PNLDC1: variants seen among roughly 807,000 people sequenced by gnomAD.
PNLDC1 encodes the protein poly(A)-specific ribonuclease PNLDC1.
In PNLDC1, 70 loss-of-function variants were observed where a neutral mutation model predicts 82.0. That is an observed-to-expected ratio of 0.85 (90% CI 0.70 to 1.04). PNLDC1 has a LOEUF of 1.04. Among genes scored for constraint, PNLDC1 ranks in the 50% least tolerant of loss-of-function variants. The pLI is 0.00. For missense variants in PNLDC1, 631 were observed against 661.1 expected (o/e 0.95, Z 0.50); for synonymous variants, 280 against 249.3 (o/e 1.12, Z -1.16).
intron 15 of PNLDC1, 22 bp from the exon 16 acceptor site, chr6:159,818,533 T>C: frequency 6.2e-7 from 1 of 1,606,882 alleles, no homozygotes; most frequent in East Asian, 2.2e-5. Flanking sequence ...CCCGACAGCT[T>C]TGGGGTTTTC....
At chr6:159,818,924 T>C in intron 16 of PNLDC1, 22 bp from the exon 17 acceptor site, 8 of 1,611,200 alleles carry the variant, frequency 5.0e-6, no homozygotes, top group Middle Eastern at 1.7e-4. Flanking sequence ...GGAAAATCTC[T>C]TGTGTTCTGC....
intron 8 of PNLDC1, 66 bp from the exon 9 acceptor site, chr6:159,808,949 A>G (rs1003857801): frequency 3.6e-5 from 57 of 1,593,662 alleles, no homozygotes; most frequent in Admixed American, 5.2e-5. Flanking sequence ...TTAGAGATGC[A>G]GAGCCATTTC....
intron 12 of PNLDC1, among the ~76,000 whole-genome samples, chr6:159,814,960 G>A (rs1055216609): frequency 6.6e-6 from 1 of 152,164 alleles, no homozygotes; most frequent in Admixed American, 6.5e-5. Flanking sequence ...CCACGACGAC[G>A]ACGCCTGTTT....
Position 159,808,788 on chromosome 6 carries a change from A to G in PNLDC1, c.611A>G (p.Asn204Ser). ...VQLVLRQALP[N>S]IWTVLKDEGV... The stretch of plus-strand genomic sequence containing the variant: ...CTGGTGCTGAGGCAGGCCCTCCCCA[A>G]CATCTGGACGGTGCTGAAAGATGAG... Residue 204 changes from asparagine to serine, a missense_variant, in exon 8 of 19, where the codon AAC (asparagine) becomes AGC (serine). Coordinates refer to ENST00000392167, the MANE Select transcript of PNLDC1 (RefSeq NM_001271862.2). 1 of 1,614,028 alleles carries G rather than the reference A, an allele frequency of 6.2e-7. No individual in the cohort carries two copies. The highest frequency in any genetic ancestry group is 8.5e-7 in the Non-Finnish European group (1 of 1,179,964).
rs780220019 is a variant in PNLDC1, at chr6:159,820,537, G to A, written c.*20G>A. 52 of 1,612,776 alleles carry A rather than the reference G, an allele frequency of 3.2e-5. No individual in the cohort carries two copies. The highest frequency in any genetic ancestry group is 9.9e-5 in the South Asian group (9 of 91,072). On this transcript the variant is annotated 3_prime_UTR_variant, in exon 19 of 19. Coordinates refer to ENST00000392167, the MANE Select transcript of PNLDC1 (RefSeq NM_001271862.2). ...ACCTGAGTGCAGCGAGGCCTCCTGC[G>A]GCCACCCTCGGGTCCCCATGCTCTC...
chr6:159,819,361 C>G lies in PNLDC1; in HGVS notation c.1532+9C>G, dbSNP rs1173756075. The G allele has an allele frequency of 1.2e-6, 2 of 1,611,778 alleles. No individual in the cohort carries two copies. Among genetic ancestry groups the G allele is most frequent in the South Asian group, 1.1e-5 (1 of 91,016 alleles). On this transcript the variant is annotated intron_variant, in intron 18 of 18. Transcript: ENST00000392167. The surrounding 1 kb of genome is among the most constrained non-coding windows in gnomAD (Gnocchi z 4.6). ...GTCAACTGCCTGCTCCAGTAAGTGA[C>G]AGGCTGAGGCCACCTGCCTGTCCTG...
intron 11 of PNLDC1, 59 bp downstream of exon 11, chr6:159,811,845 C>G: frequency 8.0e-7 from 1 of 1,249,836 alleles, no homozygotes. Flanking sequence ...TAACACTTAG[C>G]TTTCTCTTGT....
chr6:159,810,452 T>C (rs1781609385), intron 10 of PNLDC1, among the ~76,000 whole-genome samples: 1 of 152,240 alleles, frequency 6.6e-6, no homozygotes, highest in South Asian at 2.1e-4. Flanking sequence ...TTGATTACAC[T>C]ATTTGATTTT....
At chr6:159,807,826 C>T (rs1781502829) in intron 7 of PNLDC1, among the ~76,000 whole-genome samples, 1 of 152,122 alleles carries the variant, frequency 6.6e-6, no homozygotes, top group African/African-American at 2.4e-5. Context: ...GAGTTTGGTA[C>T]AGTTTTAAAG....
chr6:159,806,627 G>A (rs1781457104), intron 7 of PNLDC1, among the ~76,000 whole-genome samples: 1 of 152,218 alleles, frequency 6.6e-6, no homozygotes, highest in Non-Finnish European at 1.5e-5. Context: ...TAAGGCAGGA[G>A]CATCATACCG....
chr6:159,820,407 C>A (rs775490074), intron 18 of PNLDC1, 47 bp from the exon 19 acceptor site: 1 of 1,597,776 alleles, frequency 6.3e-7, no homozygotes, highest in Non-Finnish European at 8.6e-7. Context: ...CGGTGCCTCT[C>A]GGCCTGCTGG....
At position 159,817,208 on chromosome 6, in the gene PNLDC1, C is replaced by G. The variant is rs1483939343; in HGVS notation, c.1157+57C>G. ...AATCGGTGGTCAGGATTTATTGAGCCCTTGCTGGAAGCCAACACCTCTCCA... is the reference window on the plus strand; with the variant it reads ...AATCGGTGGTCAGGATTTATTGAGCGCTTGCTGGAAGCCAACACCTCTCCA... On this transcript the variant is annotated intron_variant, in intron 15 of 18. Transcript: ENST00000392167. The G allele has an allele frequency of 2.0e-6, 3 of 1,521,058 alleles. No individual in the cohort carries two copies. The Admixed American group carries it at 5.0e-5, about 25-fold the overall frequency. 94.2% of individuals were successfully genotyped at this position (1,521,058 alleles called of 1,614,324 possible).
Position 159,811,778 on chromosome 6 carries a change from A to T in PNLDC1, c.931A>T (p.Ile311Phe), listed in dbSNP as rs150377858. ...TGATACCAAGAGTGTAACAAAGGAT[A>T]TCTGGAAGGTAATGAATAGAACTGC... ...LIDTKSVTKD[I>F]WKEMNFPRVS... The change falls in exon 11 of 19, where the codon ATC becomes TTC. Residue 311 changes from isoleucine (I) to phenylalanine (F), a missense_variant. Physicochemically the swap from Ile to Phe is conservative, Grantham distance 21 (BLOSUM62 0). Coordinates refer to ENST00000392167, the MANE Select transcript of PNLDC1 (RefSeq NM_001271862.2). 1.2e-6 allele frequency: 2 copies of T among 1,608,524 alleles called. No homozygotes were observed. The highest frequency in any genetic ancestry group is 2.7e-5 in the African/African-American group (2 of 74,780).
chr6:159,803,851 G>A, intron 4 of PNLDC1, 114 bp from the exon 5 acceptor site: 1 of 1,186,426 alleles, frequency 8.4e-7, no homozygotes, highest in Non-Finnish European at 1.2e-6. Context: ...CAGACACTCG[G>A]GCACACTCAG....
intron 7 of PNLDC1, 131 bp from the exon 8 acceptor site, chr6:159,808,609 G>A: frequency 1.3e-6 from 1 of 789,738 alleles, no homozygotes; most frequent in Non-Finnish European, 2.1e-6. Context: ...TGGCTCATGG[G>A]CTTGGGCACC....
intron 12 of PNLDC1, among the ~76,000 whole-genome samples, chr6:159,815,699 C>CAGT (rs1174288959): frequency 1.3e-5 from 2 of 152,136 alleles, no homozygotes; most frequent in Non-Finnish European, 2.9e-5. Context: ...AGGACAGAGA[C>CAGT]AGTATCTTGT....
In PNLDC1 at chr6:159,815,990, T is replaced by C; in HGVS notation, c.1017T>C (p.Asn339=). ...ATAGTGACTTGAATCCCACCAAGAA[T>C]TCTGGACCAGAGATTGTTCACGCGA... ...VLNSDLNPTK[N]SGPEIVHASR... Residue 339 remains asparagine, a synonymous_variant, in exon 13 of 19, where the codon AAT becomes AAC. Coordinates refer to ENST00000392167, the MANE Select transcript of PNLDC1 (RefSeq NM_001271862.2). 1 of 1,613,638 alleles carries C rather than the reference T, an allele frequency of 6.2e-7. No homozygotes were observed. The highest frequency in any genetic ancestry group is 8.5e-7 in the Non-Finnish European group (1 of 1,179,802).
At chr6:159,807,920 T>C (rs926990655) in intron 7 of PNLDC1, among the ~76,000 whole-genome samples, 1 of 136,870 alleles carries the variant, frequency 7.3e-6, no homozygotes, top group Non-Finnish European at 1.6e-5. Context: ...TTTTTTTTTC[T>C]TTTTTTTTTT....
intron 3 of PNLDC1, 31 bp from the exon 4 acceptor site, chr6:159,803,240 G>A: frequency 6.2e-7 from 1 of 1,611,950 alleles, no homozygotes; most frequent in Non-Finnish European, 8.5e-7. Context: ...CTTTTCCTTG[G>A]CATTCATTCC....
Sources: gnomAD v4.1 joint callset for allele counts (sites outside exome capture counted in the v4.1 genomes callset) on GRCh38, gnomAD v4.1.1 for gene constraint, Gnocchi (gnomAD v3.1) non-coding constraint, MANE v1.5 for transcripts, NCBI Gene and HGNC (gene_info 2026-07-23, HGNC 2026-07-21) for gene names.